Variants in FLVCR2 observed in about 807,000 individuals in gnomAD.
FLVCR2 encodes FLVCR choline and putative heme transporter 2, also known as choline/ethanolamine transporter FLVCR2.
Under a neutral mutation model 48.9 loss-of-function variants are expected in FLVCR2, and 38 were observed. The observed-to-expected ratio is 0.78, with a 90% CI of 0.60 to 1.02. The LOEUF (loss-of-function observed/expected upper bound fraction) is 1.02. Ranked by LOEUF, FLVCR2 falls within the 50% of genes least tolerant of loss-of-function variation. The pLI is 0.00. For missense variants in FLVCR2, 664 were observed against 663.3 expected (o/e 1.00, Z -0.01); for synonymous variants, 255 against 257.0 (o/e 0.99, Z 0.07).
intron 1 of FLVCR2, among the ~76,000 whole-genome samples, chr14:75,594,179 C>T (rs1888960214): frequency 6.6e-6 from 1 of 150,672 alleles, no homozygotes; most frequent in South Asian, 2.1e-4. Flanking sequence ...CCATCTGACA[C>T]CTCATCAGAA....
In FLVCR2 at chr14:75,584,645, G is replaced by A. The variant is rs141229492; in HGVS notation, c.669+5004G>A. 2.1e-3 allele frequency among the ~76,000 whole-genome samples: 320 copies of A among 152,318 alleles called. 1 individual carries two copies. The highest frequency in any genetic ancestry group is 0.01 in the Middle Eastern group (3 of 294). ...AATCTGCCTGAAAGTTCCACTGGGG[G>A]TCCTCTTGGGGAACTGCTCTAATGC... On this transcript the variant is annotated intron_variant, in intron 1 of 9. Coordinates refer to ENST00000238667, the MANE Select transcript of FLVCR2 (RefSeq NM_017791.3).
In FLVCR2 at chr14:75,646,784, T is replaced by A. The variant is rs1890431654; in HGVS notation, c.*312T>A. 2.5e-6 allele frequency: 1 copy of A among 401,760 alleles called. No individual in the cohort carries two copies. The highest frequency in any genetic ancestry group is 2.1e-5 in the African/African-American group (1 of 48,616). The allele number at this position is 401,760 out of a possible 1,614,324, so 24.9% of individuals were successfully genotyped here. A position where few individuals can be genotyped will look rare whatever the true frequency, so the allele number is the denominator to read the frequency against. On this transcript the variant is annotated 3_prime_UTR_variant, in exon 10 of 10. Transcript: ENST00000238667. Reference sequence around the variant, plus strand: ...TCCTAGCTTGGTCTCTTGCCTTCCCTCTTTTCCTCCATCCATCGTGGACAA... The same window carrying A: ...TCCTAGCTTGGTCTCTTGCCTTCCCACTTTTCCTCCATCCATCGTGGACAA...
chr14:75,636,525 T>C (rs1010408107), intron 5 of FLVCR2, among the ~76,000 whole-genome samples: 2 of 152,168 alleles, frequency 1.3e-5, no homozygotes, highest in Non-Finnish European at 2.9e-5. Context: ...GGCTGGGACA[T>C]GGGCAGCCGG....
chr14:75,633,753 C>A, intron 4 of FLVCR2, 57 bp downstream of exon 4: 1 of 1,351,908 alleles, frequency 7.4e-7, no homozygotes, highest in Non-Finnish European at 1.1e-6. Context: ...CTAAGTCTGT[C>A]TTGGCAGGAC....
intron 6 of FLVCR2, chr14:75,640,679 G>T: frequency 2.1e-6 from 1 of 486,804 alleles, no homozygotes. Context: ...TTCTGTAAAT[G>T]CTGACTGGCT....
At chr14:75,609,320 C>T (rs1889376708) in intron 1 of FLVCR2, among the ~76,000 whole-genome samples, 1 of 152,074 alleles carries the variant, frequency 6.6e-6, no homozygotes, top group East Asian at 1.9e-4. Context: ...AGTAGGAGGG[C>T]GGGTGACTTC....
rs538021410 is a variant in FLVCR2 at position 75,646,914 on chromosome 14, C to T, written c.*442C>T. On this transcript the variant is annotated 3_prime_UTR_variant, in exon 10 of 10. Transcript: ENST00000238667. ...AAGCCCAGTTCTAATAAGTGGCAAG[C>T]TGCTCTGCCGGGGTCATCTCCTGGG... 9 of 267,338 alleles carry T rather than the reference C, an allele frequency of 3.4e-5. No individual in the cohort carries two copies. The highest frequency in any genetic ancestry group is 2.3e-4 in the Admixed American group (5 of 21,642). 16.6% of individuals were successfully genotyped at this position (267,338 alleles called of 1,614,324 possible). A position where few individuals can be genotyped will look rare whatever the true frequency, so the allele number is the denominator to read the frequency against.
intron 1 of FLVCR2, among the ~76,000 whole-genome samples, chr14:75,589,934 C>T (rs935174352): frequency 2.4e-4 from 37 of 152,320 alleles, no homozygotes; most frequent in African/African-American, 6.7e-4. Context: ...TGAGGTCCCA[C>T]GGTGACTATC....
At chr14:75,619,775 A>T (rs918449717) in intron 1 of FLVCR2, among the ~76,000 whole-genome samples, 50 of 152,298 alleles carry the variant, frequency 3.3e-4, no homozygotes, top group Non-Finnish European at 6.3e-4. Context: ...AGGCCCACCC[A>T]TCCAACCTGC....
At chr14:75,601,117 AT>A (rs1464473132) in intron 1 of FLVCR2, among the ~76,000 whole-genome samples, 2 of 152,266 alleles carry the variant, frequency 1.3e-5, no homozygotes, top group Admixed American at 6.5e-5. Context: ...AGTCATTAGC[AT>A]TGTTTCTATA....
At chr14:75,634,404 A>T (rs1272261962) in intron 4 of FLVCR2, among the ~76,000 whole-genome samples, 1 of 152,182 alleles carries the variant, frequency 6.6e-6, no homozygotes, top group East Asian at 1.9e-4. Context: ...TAACCTTATG[A>T]TGGGGAATGG....
intron 1 of FLVCR2, among the ~76,000 whole-genome samples, chr14:75,602,273 A>T (rs1264550299): frequency 1.3e-5 from 2 of 152,112 alleles, no homozygotes; most frequent in Admixed American, 6.5e-5. Context: ...GGGGTTGTAC[A>T]TTTCCAAGTT....
chr14:75,581,016 T>G (rs1269764945), intron 1 of FLVCR2, among the ~76,000 whole-genome samples: 2 of 151,876 alleles, frequency 1.3e-5, no homozygotes, highest in African/African-American at 4.8e-5. Flanking sequence ...TATGGAGAGA[T>G]AATGGGAGAT....
At chr14:75,621,591 T>C in intron 1 of FLVCR2, among the ~76,000 whole-genome samples, 1 of 152,198 alleles carries the variant, frequency 6.6e-6, no homozygotes, top group South Asian at 2.1e-4. Flanking sequence ...GAAGCTTCCA[T>C]GCTTGTAAAT....
At chr14:75,620,317 G>C (rs1055463012) in intron 1 of FLVCR2, among the ~76,000 whole-genome samples, 19 of 152,158 alleles carry the variant, frequency 1.2e-4, no homozygotes, top group Non-Finnish European at 2.6e-4. Flanking sequence ...TGCCTGCCTG[G>C]GCCTTTCTCC....
In FLVCR2 at chr14:75,578,890, C is replaced by T; in HGVS notation, c.-83C>T. The T allele has an allele frequency of 2.3e-6, 3 of 1,319,254 alleles. No homozygotes were observed. The highest frequency in any genetic ancestry group is 2.4e-5 in the South Asian group (2 of 84,070). 81.7% of individuals were successfully genotyped at this position (1,319,254 alleles called of 1,614,324 possible). A position where few individuals can be genotyped will look rare whatever the true frequency, so the allele number is the denominator to read the frequency against. ...GGAATAGGCAAGTGTCCTTTCAACTCTAAGAGACCAGCAGAGGCCACTGTC... is the reference window on the plus strand; with the variant it reads ...GGAATAGGCAAGTGTCCTTTCAACTTTAAGAGACCAGCAGAGGCCACTGTC... On this transcript the variant is annotated 5_prime_UTR_variant, in exon 1 of 10. Transcript: ENST00000238667.
intron 1 of FLVCR2, chr14:75,604,233 G>A (rs943859860): frequency 6.6e-6 from 1 of 152,218 alleles, no homozygotes; most frequent in Non-Finnish European, 1.5e-5. Context: ...GCTAAGCAGG[G>A]TCGGGCCTGG....
At chr14:75,589,668 T>C (rs1477773979) in intron 1 of FLVCR2, among the ~76,000 whole-genome samples, 1 of 152,194 alleles carries the variant, frequency 6.6e-6, no homozygotes, top group Non-Finnish European at 1.5e-5. Context: ...CTGAAACAAG[T>C]CTCTGCCTGA....
intron 3 of FLVCR2, chr14:75,631,907 T>C (rs1399305214): frequency 8.8e-6 from 4 of 452,802 alleles, no homozygotes; most frequent in African/African-American, 2.0e-5. Context: ...ACCATCAGCC[T>C]GTCAGTTGTA....
Sources: gnomAD v4.1 joint callset for allele counts (sites outside exome capture counted in the v4.1 genomes callset) on GRCh38, gnomAD v4.1.1 for gene constraint, MANE v1.5 for transcripts, NCBI Gene and HGNC (gene_info 2026-07-23, HGNC 2026-07-21) for gene names.